Variants in NRG3 observed in about 807,000 individuals in gnomAD.
NRG3 encodes the protein pro-neuregulin-3, membrane-bound isoform.
A neutral mutation model predicts 66.9 loss-of-function variants in NRG3; 31 were observed. The ratio of observed to expected loss-of-function variants is 0.46; its 90% CI spans 0.35 to 0.63. The LOEUF is 0.63. NRG3 is among the 20% of genes least tolerant of loss of function. The probability of loss-of-function intolerance (pLI) is 0.00; values close to 1 mark genes in which losing one functional copy is unlikely to be tolerated. For missense variants in NRG3, 910 were observed against 878.9 expected, an observed-to-expected ratio of 1.04 and a Z score of -0.45; for synonymous variants, 393 against 359.4, an observed-to-expected ratio of 1.09 and a Z score of -1.06.
At chr10:82,438,917 C>T (rs1040559236) in intron 2 of NRG3, among the ~76,000 whole-genome samples, 1 of 151,882 alleles carries the variant, frequency 6.6e-6, no homozygotes, top group Non-Finnish European at 1.5e-5. Context: ...GATGGATTCA[C>T]ATGCTTATTA....
chr10:82,678,076 C>T (rs189871366), intron 2 of NRG3, among the ~76,000 whole-genome samples: 6 of 152,302 alleles, frequency 3.9e-5, no homozygotes, highest in African/African-American at 1.2e-4. Context: ...GCCATTTTGC[C>T]TCTTAGTGCT....
intron 2 of NRG3, among the ~76,000 whole-genome samples, chr10:82,660,802 A>G (rs570497308): frequency 5.3e-5 from 8 of 152,112 alleles, no homozygotes; most frequent in African/African-American, 1.9e-4. Flanking sequence ...ACTTCTTATC[A>G]GTTTAATTTT....
intron 2 of NRG3, among the ~76,000 whole-genome samples, chr10:82,376,798 C>G (rs542326044): frequency 7.2e-5 from 11 of 152,304 alleles, no homozygotes; most frequent in Non-Finnish European, 1.5e-4. Flanking sequence ...TTTTCCTTCT[C>G]ATCCTCACTC....
At chr10:82,509,952 C>T (rs1590402100) in intron 2 of NRG3, among the ~76,000 whole-genome samples, 1 of 152,118 alleles carries the variant, frequency 6.6e-6, no homozygotes, top group Non-Finnish European at 1.5e-5. Flanking sequence ...GGCCTTTCTA[C>T]TCCTGTTTTC....
Position 81,875,611 on chromosome 10 carries a change from G to T in NRG3, c.271G>T (p.Val91Leu). Residue 91 changes from valine (V) to leucine (L), a missense_variant, in exon 1 of 9, where the codon GTG (valine) becomes TTG (leucine). Val to Leu is a conservative substitution (Grantham distance 32). Transcript: ENST00000372141. The surrounding 1 kb of genome is among the most constrained non-coding windows in gnomAD (Gnocchi z 5.3). ...LSLMLLKWIV[V>L]GSVKEYVPTD... ...CCTCATGCTTCTCAAATGGATCGTG[G>T]TGGGCTCCGTCAAGGAGTACGTGCC... 1 of 1,613,672 alleles carries T rather than the reference G, an allele frequency of 6.2e-7. No homozygotes were observed. Among genetic ancestry groups the T allele is most frequent in the East Asian group, 2.2e-5 (1 of 44,820 alleles).
intron 1 of NRG3, among the ~76,000 whole-genome samples, chr10:82,293,677 C>T (rs1213715345): frequency 6.6e-6 from 1 of 152,032 alleles, no homozygotes; most frequent in African/African-American, 2.4e-5. Flanking sequence ...CTTGGTTCCC[C>T]ATCTTACCTT....
chr10:82,829,081 C>A (rs2062388088), intron 3 of NRG3, among the ~76,000 whole-genome samples: 2 of 152,136 alleles, frequency 1.3e-5, no homozygotes, highest in African/African-American at 4.8e-5. Context: ...TAAGCATATA[C>A]ACCTTATATT....
intron 2 of NRG3, among the ~76,000 whole-genome samples, chr10:82,444,090 A>G (rs930935551): frequency 3.3e-5 from 5 of 152,178 alleles, no homozygotes; most frequent in Non-Finnish European, 5.9e-5. Flanking sequence ...TTCTCTTAAA[A>G]AAAATTTGTT....
chr10:81,881,981 A>G (rs1386768077), intron 1 of NRG3, among the ~76,000 whole-genome samples: 1 of 152,204 alleles, frequency 6.6e-6, no homozygotes, highest in Non-Finnish European at 1.5e-5. Flanking sequence ...GCTTTAAAAA[A>G]CAACTTACCT....
intron 2 of NRG3, among the ~76,000 whole-genome samples, chr10:82,420,700 G>T (rs921189721): frequency 6.6e-6 from 1 of 152,186 alleles, no homozygotes; most frequent in African/African-American, 2.4e-5. Context: ...TAAAATTGAT[G>T]TTCATGTATA....
intron 2 of NRG3, among the ~76,000 whole-genome samples, chr10:82,606,283 G>A (rs1011058004): frequency 6.6e-5 from 10 of 152,164 alleles, no homozygotes; most frequent in East Asian, 1.9e-4. Flanking sequence ...TTTGACTCAC[G>A]TGTTATTTAG....
chr10:82,030,428 T>C (rs1270772876), intron 1 of NRG3, among the ~76,000 whole-genome samples: 1 of 152,102 alleles, frequency 6.6e-6, no homozygotes, highest in Non-Finnish European at 1.5e-5. Context: ...TTATGTAACT[T>C]GATTTTATGT....
At chr10:82,037,976 G>T (rs1055881159) in intron 1 of NRG3, among the ~76,000 whole-genome samples, 52 of 149,744 alleles carry the variant, frequency 3.5e-4, no homozygotes, top group Non-Finnish European at 6.7e-4. Flanking sequence ...TGGGGAGGGG[G>T]GAGAGAGAGA....
chr10:82,403,050 A>G (rs1335640393), intron 2 of NRG3, among the ~76,000 whole-genome samples: 2 of 152,192 alleles, frequency 1.3e-5, no homozygotes, highest in Non-Finnish European at 2.9e-5. Flanking sequence ...GGATGAGGTC[A>G]AGAATGAGTA....
chr10:82,558,344 T>C (rs2044787947), intron 2 of NRG3, among the ~76,000 whole-genome samples: 1 of 152,146 alleles, frequency 6.6e-6, no homozygotes, highest in African/African-American at 2.4e-5. Context: ...GAAAAACCCC[T>C]TGGGTGTCTC....
intron 1 of NRG3, among the ~76,000 whole-genome samples, chr10:81,931,103 C>A (rs1033683032): frequency 3.3e-5 from 5 of 152,178 alleles, no homozygotes; most frequent in African/African-American, 1.2e-4. Context: ...CTTCCCTGTT[C>A]ATTACATAGA....
chr10:82,633,989 T>G (rs1365428574), intron 2 of NRG3, among the ~76,000 whole-genome samples: 1 of 152,098 alleles, frequency 6.6e-6, no homozygotes, highest in Non-Finnish European at 1.5e-5. Flanking sequence ...AAGAAAGATA[T>G]TAAAACATTG....
rs540560617 is a variant in NRG3, at chr10:81,888,776, A to G, written c.823+12613A>G. On this transcript the variant is annotated intron_variant, in intron 1 of 8. Transcript: ENST00000372141. ...GTTTTGGAGGACACAGCTTGATTCT[A>G]TGTTAAGCCACAGTCAGAATGGGTT... is the stretch of plus-strand genomic sequence containing the variant. Among the ~76,000 whole-genome samples the G allele has an allele frequency of 4.6e-5, 7 of 152,240 alleles. No homozygotes were observed. In the East Asian group the frequency reaches 9.7e-4, roughly 21 times the overall value.
chr10:82,366,589 G>A (rs542952826), intron 2 of NRG3, among the ~76,000 whole-genome samples: 3 of 152,028 alleles, frequency 2.0e-5, no homozygotes, highest in African/African-American at 7.2e-5. Flanking sequence ...CTTAATCAGC[G>A]TAACGGGCCA....
Sources: gnomAD v4.1 joint callset for allele counts (sites outside exome capture counted in the v4.1 genomes callset) on GRCh38, gnomAD v4.1.1 for gene constraint, Gnocchi (gnomAD v3.1) non-coding constraint, MANE v1.5 for transcripts, NCBI Gene and HGNC (gene_info 2026-07-23, HGNC 2026-07-21) for gene names.